KCNMB2: variants seen among roughly 807,000 people sequenced by gnomAD.
KCNMB2 encodes potassium calcium-activated channel subfamily M regulatory beta subunit 2.
KCNMB2 carries 9 observed loss-of-function variants against 24.5 expected under a neutral mutation model. That is an observed-to-expected ratio of 0.37 (90% CI 0.22 to 0.64). The LOEUF (loss-of-function observed/expected upper bound fraction) is 0.64. KCNMB2 is among the 30% of genes least tolerant of loss of function. KCNMB2 has a pLI of 0.63. For missense variants in KCNMB2, 226 were observed against 284.3 expected (o/e 0.79, Z 1.47); for synonymous variants, 109 against 104.4 (o/e 1.04, Z -0.27).
intron 1 of KCNMB2, among the ~76,000 whole-genome samples, chr3:178,538,146 T>C (rs542106361): frequency 1.1e-4 from 16 of 152,344 alleles, no homozygotes; most frequent in African/African-American, 3.6e-4. Flanking sequence ...CCATAGTAGA[T>C]GGCATCTATG....
intron 1 of KCNMB2, among the ~76,000 whole-genome samples, chr3:178,580,098 A>G (rs548626381): frequency 7.9e-5 from 12 of 152,376 alleles, no homozygotes; most frequent in Admixed American, 6.5e-4. Context: ...ATCAGGCCTG[A>G]TGAACATTGA....
intron 1 of KCNMB2, among the ~76,000 whole-genome samples, chr3:178,646,721 T>TTAA (rs146449279): frequency 0.014 from 2,148 of 152,318 alleles, 42 homozygotes; most frequent in African/African-American, 0.048. Context: ...GGATAGTAAG[T>TTAA]TAATAGTGTG....
chr3:178,647,680 T>C (rs1719965503), intron 1 of KCNMB2, among the ~76,000 whole-genome samples: 1 of 152,200 alleles, frequency 6.6e-6, no homozygotes. Context: ...CCCTTCATGA[T>C]TTTTGGATAA....
chr3:178,714,322 T>C (rs891185646), intron 1 of KCNMB2, among the ~76,000 whole-genome samples: 1 of 152,194 alleles, frequency 6.6e-6, no homozygotes, highest in African/African-American at 2.4e-5. Context: ...AGGCATTCAC[T>C]GGGGAGACAG....
intron 1 of KCNMB2, among the ~76,000 whole-genome samples, chr3:178,581,826 C>T (rs1717218471): frequency 6.6e-6 from 1 of 152,222 alleles, no homozygotes; most frequent in Non-Finnish European, 1.5e-5. Context: ...GATACCATCT[C>T]ATGCCAGTTA....
At chr3:178,621,343 C>A (rs1718913578) in intron 1 of KCNMB2, among the ~76,000 whole-genome samples, 1 of 149,032 alleles carries the variant, frequency 6.7e-6, no homozygotes, top group Admixed American at 6.7e-5. Flanking sequence ...TCTAGTTGCC[C>A]AACTAGGGAT....
At chr3:178,802,455 C>T (rs755050320) in intron 1 of KCNMB2, among the ~76,000 whole-genome samples, 47 of 152,278 alleles carry the variant, frequency 3.1e-4, no homozygotes, top group Middle Eastern at 3.4e-3. Flanking sequence ...TTGCAGCTGT[C>T]ACCTTGAGGC....
intron 1 of KCNMB2, among the ~76,000 whole-genome samples, chr3:178,594,539 T>C (rs1717796107): frequency 6.6e-6 from 1 of 152,080 alleles, no homozygotes; most frequent in South Asian, 2.1e-4. Flanking sequence ...AGTAGCCATT[T>C]ACTGAGATAG....
intron 1 of KCNMB2, among the ~76,000 whole-genome samples, chr3:178,597,058 T>C (rs1212625857): frequency 2.0e-5 from 3 of 152,116 alleles, no homozygotes; most frequent in Non-Finnish European, 4.4e-5. Context: ...GCAGATGCCA[T>C]GCATGCTGAG....
chr3:178,785,864 CTAA>C (rs1713081162), intron 1 of KCNMB2, among the ~76,000 whole-genome samples: 1 of 152,084 alleles, frequency 6.6e-6, no homozygotes, highest in African/African-American at 2.4e-5. Context: ...TAAGTAGCTA[CTAA>C]TAATGTCAAG....
intron 1 of KCNMB2, among the ~76,000 whole-genome samples, chr3:178,635,200 C>T (rs1719473431): frequency 6.6e-6 from 1 of 152,048 alleles, no homozygotes; most frequent in African/African-American, 2.4e-5. Flanking sequence ...AGCCAAAATA[C>T]CAGCCAGAGG....
At position 178,828,322 on chromosome 3, in the gene KCNMB2, G is replaced by A. The variant is rs575957428; in HGVS notation, c.372G>A (p.Gly124=). The A allele has an allele frequency of 3.7e-6, 6 of 1,613,844 alleles. No individual in the cohort carries two copies. Among genetic ancestry groups the A allele is most frequent in the South Asian group, 1.1e-5 (1 of 91,056 alleles). Reference sequence around the variant, plus strand: ...TGTACGTTAACCTGACTTCTTCCGGGGAAAAGCTCCTCCTCTACCACACAG... The same window carrying A: ...TGTACGTTAACCTGACTTCTTCCGGAGAAAAGCTCCTCCTCTACCACACAG... ...LQVYVNLTSS[G]EKLLLYHTEE... is the part of the protein sequence containing the mutation. The change falls in exon 4 of 5, where the codon GGG becomes GGA. Residue 124 remains glycine (G), a synonymous_variant. Transcript: ENST00000452583.
chr3:178,778,470 A>ACGTGCGCGCGCG (rs1469982956), intron 1 of KCNMB2, among the ~76,000 whole-genome samples: 6 of 88,686 alleles, frequency 6.8e-5, no homozygotes, highest in South Asian at 3.4e-4. Flanking sequence ...ACACACACAC[A>ACGTGCGCGCGCG]CACACACACA....
rs182491008 is a variant in KCNMB2 at position 178,652,115 on chromosome 3, G to A, written c.-68+115404G>A. On this transcript the variant is annotated intron_variant, in intron 1 of 4. Coordinates refer to ENST00000452583, the MANE Select transcript of KCNMB2 (RefSeq NM_181361.3). Reference sequence around the variant, plus strand: ...GAACTTCTGCACAGCAAAAGAAACTGTCGTCAGAGTGAACAGGTAACCTGC... The same window carrying A: ...GAACTTCTGCACAGCAAAAGAAACTATCGTCAGAGTGAACAGGTAACCTGC... Among the ~76,000 whole-genome samples, 83 of 152,152 alleles carry A rather than the reference G, an allele frequency of 5.5e-4. 1 individual carries two copies. Among genetic ancestry groups the A allele is most frequent in the African/African-American group, 2.0e-3 (81 of 41,516 alleles).
At chr3:178,808,923 G>A (rs1327863972) in intron 2 of KCNMB2, among the ~76,000 whole-genome samples, 1 of 152,038 alleles carries the variant, frequency 6.6e-6, no homozygotes, top group East Asian at 1.9e-4. Context: ...AGCCCAGAAG[G>A]CAAATAATGT....
At chr3:178,796,015 T>C (rs1713528826) in intron 1 of KCNMB2, among the ~76,000 whole-genome samples, 1 of 152,184 alleles carries the variant, frequency 6.6e-6, no homozygotes, top group Non-Finnish European at 1.5e-5. Flanking sequence ...TCTGGAAATG[T>C]CACCATGGGT....
At chr3:178,711,471 C>T (rs1440554024) in intron 1 of KCNMB2, among the ~76,000 whole-genome samples, 7 of 152,078 alleles carry the variant, frequency 4.6e-5, no homozygotes, top group African/African-American at 1.7e-4. Flanking sequence ...CGCTGTCTCT[C>T]CCACCAAGAC....
intron 1 of KCNMB2, among the ~76,000 whole-genome samples, chr3:178,639,787 C>T (rs780223806): frequency 2.0e-5 from 3 of 152,196 alleles, no homozygotes; most frequent in Middle Eastern, 3.2e-3. Flanking sequence ...CACACACCTA[C>T]GTGTGCCATG....
intron 1 of KCNMB2, among the ~76,000 whole-genome samples, chr3:178,787,143 C>A (rs112758285): frequency 2.2e-4 from 33 of 152,278 alleles, no homozygotes; most frequent in African/African-American, 7.2e-4. Flanking sequence ...TTAAATATCA[C>A]ATCTATGAAT....
Sources: gnomAD v4.1 joint callset for allele counts (sites outside exome capture counted in the v4.1 genomes callset) on GRCh38, gnomAD v4.1.1 for gene constraint, MANE v1.5 for transcripts, NCBI Gene and HGNC (gene_info 2026-07-23, HGNC 2026-07-21) for gene names.